MAML2: variants seen among roughly 807,000 people sequenced by gnomAD.
The protein encoded by MAML2 is mastermind like transcriptional coactivator 2.
A neutral mutation model predicts 96.1 loss-of-function variants in MAML2; 22 were observed. That is an observed-to-expected ratio of 0.23 (90% CI 0.16 to 0.33). The LOEUF (loss-of-function observed/expected upper bound fraction) is 0.33. Ranked by LOEUF, MAML2 falls within the 10% of genes least tolerant of loss-of-function variation. The probability of loss-of-function intolerance (pLI) is 1.00; values close to 1 mark genes in which losing one functional copy is unlikely to be tolerated. For missense variants in MAML2, 1,367 were observed against 1,392.4 expected, an observed-to-expected ratio of 0.98 and a Z score of 0.29; for synonymous variants, 561 against 521.3, an observed-to-expected ratio of 1.08 and a Z score of -1.04.
intron 1 of MAML2, among the ~76,000 whole-genome samples, chr11:96,243,194 CCTT>C (rs1862460548): frequency 6.6e-6 from 1 of 152,174 alleles, no homozygotes; most frequent in Non-Finnish European, 1.5e-5. Flanking sequence ...GCTTCCTTGT[CCTT>C]CTCTCTTCCT....
intron 1 of MAML2, among the ~76,000 whole-genome samples, chr11:96,179,966 G>A (rs1861457146): frequency 6.6e-6 from 1 of 152,206 alleles, no homozygotes; most frequent in South Asian, 2.1e-4. Flanking sequence ...ATCAGAAAAG[G>A]ATAGTAGGGA....
chr11:96,068,779 G>A (rs1315364522), intron 2 of MAML2, among the ~76,000 whole-genome samples: 1 of 149,832 alleles, frequency 6.7e-6, no homozygotes, highest in African/African-American at 2.5e-5. Context: ...GCAGTGAGCT[G>A]AGATGGCGCC....
At chr11:96,222,803 G>A (rs913263004) in intron 1 of MAML2, among the ~76,000 whole-genome samples, 1 of 151,716 alleles carries the variant, frequency 6.6e-6, no homozygotes, top group Admixed American at 6.6e-5. Flanking sequence ...TTTGGTAATT[G>A]GATCACCATT....
chr11:96,160,226 GC>G lies in MAML2; in HGVS notation c.514-66710del, dbSNP rs530389110. On this transcript the variant is annotated intron_variant, in intron 1 of 4. Transcript: ENST00000524717. ...ATTTACATCAAGGCACGGGGGAAGA[GC>G]CCCTGATCCTTTATTCTTCAATGCA... Among the ~76,000 whole-genome samples, 819 of 152,246 alleles carry G rather than the reference GC, an allele frequency of 5.4e-3. 8 individuals are homozygous for G. The highest frequency in any genetic ancestry group is 0.019 in the African/African-American group (782 of 41,530).
intron 2 of MAML2, among the ~76,000 whole-genome samples, chr11:96,071,743 A>C (rs1056797557): frequency 2.6e-5 from 4 of 152,044 alleles, no homozygotes; most frequent in African/African-American, 9.7e-5. Flanking sequence ...CCAGTCACCA[A>C]ATCTCATCTC....
intron 1 of MAML2, among the ~76,000 whole-genome samples, chr11:96,327,368 G>T (rs1021494902): frequency 2.0e-5 from 3 of 152,084 alleles, no homozygotes; most frequent in African/African-American, 7.2e-5. Flanking sequence ...GTAATTGGCA[G>T]GTTCTTGTCT....
At chr11:96,302,079 T>C (rs965250705) in intron 1 of MAML2, among the ~76,000 whole-genome samples, 2 of 152,236 alleles carry the variant, frequency 1.3e-5, no homozygotes. Flanking sequence ...ATCAGTTCTT[T>C]CCATTCATTA....
intron 1 of MAML2, among the ~76,000 whole-genome samples, chr11:96,099,985 G>A (rs185313724): frequency 2.8e-4 from 43 of 152,250 alleles, no homozygotes; most frequent in African/African-American, 9.1e-4. Flanking sequence ...AGAATGTGAA[G>A]CCCTGAGAAC....
intron 2 of MAML2, among the ~76,000 whole-genome samples, chr11:96,066,839 A>C (rs1408923119): frequency 6.6e-6 from 1 of 152,220 alleles, no homozygotes; most frequent in Non-Finnish European, 1.5e-5. Context: ...ATGGAGACAA[A>C]TAAACCCAGG....
intron 1 of MAML2, among the ~76,000 whole-genome samples, chr11:96,104,880 A>T (rs191584650): frequency 6.6e-6 from 1 of 152,202 alleles, no homozygotes; most frequent in Non-Finnish European, 1.5e-5. Flanking sequence ...AAAACTTTCC[A>T]ATTCCTAATT....
At chr11:96,066,732 G>C (rs561807808) in intron 2 of MAML2, among the ~76,000 whole-genome samples, 15 of 152,154 alleles carry the variant, frequency 9.9e-5, no homozygotes, top group Non-Finnish European at 1.9e-4. Flanking sequence ...AACTAGGAAG[G>C]CTGCAGCTTT....
At chr11:96,002,972 G>T (rs1367149577) in intron 2 of MAML2, among the ~76,000 whole-genome samples, 1 of 131,338 alleles carries the variant, frequency 7.6e-6, no homozygotes, top group Admixed American at 7.7e-5. Flanking sequence ...GATGAAGATG[G>T]TGAGGATGAT....
At chr11:96,021,862 C>T (rs1246396302) in intron 2 of MAML2, among the ~76,000 whole-genome samples, 2 of 152,210 alleles carry the variant, frequency 1.3e-5, no homozygotes, top group Non-Finnish European at 2.9e-5. Flanking sequence ...CCATGTCCTG[C>T]CTCTTCCCAG....
In MAML2 at chr11:96,034,432, T is replaced by TGAGAGA. The variant is rs371921984; in HGVS notation, c.2140-42715_2140-42710dup. Reference sequence around the variant, plus strand: ...AAGTGTGTGTGTGTGTGTGTGTGTGTGAGAGAGAGAGAGAGAGAGAGAGAG... The same window carrying TGAGAGA: ...AAGTGTGTGTGTGTGTGTGTGTGTGTGAGAGAGAGAGAGAGAGAGAGAGAGAGAGAG... On this transcript the variant is annotated intron_variant, in intron 2 of 4. Transcript: ENST00000524717. Among the ~76,000 whole-genome samples the TGAGAGA allele has an allele frequency of 2.9e-5, 4 of 135,748 alleles. No individual in the cohort carries two copies. The East Asian group carries it at 8.5e-4, about 29-fold the overall frequency. The allele number at this position is 135,748 out of a possible 152,430, so 89.1% of individuals were successfully genotyped here.
At chr11:96,032,447 C>T (rs572192956) in intron 2 of MAML2, among the ~76,000 whole-genome samples, 5 of 151,770 alleles carry the variant, frequency 3.3e-5, no homozygotes, top group South Asian at 2.1e-4. Context: ...ATTAGCCGGG[C>T]GTGATGGCAG....
chr11:96,033,059 C>T (rs1022904798), intron 2 of MAML2, among the ~76,000 whole-genome samples: 1 of 152,186 alleles, frequency 6.6e-6, no homozygotes, highest in South Asian at 2.1e-4. Context: ...CAGGGAGACT[C>T]TCCCTTGAAA....
chr11:96,267,858 T>A (rs567490793), intron 1 of MAML2, among the ~76,000 whole-genome samples: 3 of 152,192 alleles, frequency 2.0e-5, no homozygotes, highest in Non-Finnish European at 4.4e-5. Context: ...TTTTTACACC[T>A]CTCAGGACCT....
At chr11:96,090,752 T>G (rs1167358446) in intron 2 of MAML2, among the ~76,000 whole-genome samples, 1 of 152,236 alleles carries the variant, frequency 6.6e-6, no homozygotes, top group Non-Finnish European at 1.5e-5. Flanking sequence ...GAATCCTCTT[T>G]GAGTCTGGTG....
intron 1 of MAML2, among the ~76,000 whole-genome samples, chr11:96,191,919 T>A (rs779448299): frequency 1.3e-5 from 2 of 152,200 alleles, no homozygotes; most frequent in African/African-American, 4.8e-5. Context: ...TGGATCATCA[T>A]GTGAGTTCTG....
Sources: gnomAD v4.1 joint callset for allele counts (sites outside exome capture counted in the v4.1 genomes callset) on GRCh38, gnomAD v4.1.1 for gene constraint, MANE v1.5 for transcripts, NCBI Gene and HGNC (gene_info 2026-07-23, HGNC 2026-07-21) for gene names.